The following TNR variants were observed in gnomAD, a reference collection of about 807,000 sequenced individuals.
TNR encodes the protein tenascin R, also known as tenascin-R.
In TNR, 45 loss-of-function variants were observed where a neutral mutation model predicts 150.4. The ratio of observed to expected loss-of-function variants is 0.30; its 90% CI spans 0.24 to 0.38. TNR has a LOEUF of 0.38. Among genes scored for constraint, TNR ranks in the 10% least tolerant of loss-of-function variants. The pLI, the probability that TNR is intolerant of heterozygous loss-of-function variation, is 1.00. For missense variants in TNR, 1,544 were observed against 1,759.1 expected, an observed-to-expected ratio of 0.88 and a Z score of 2.19; for synonymous variants, 687 against 678.4, an observed-to-expected ratio of 1.01 and a Z score of -0.20.
chr1:175,365,365 G>C, intron 11 of TNR, 86 bp from the exon 12 acceptor site: 1 of 1,431,582 alleles, frequency 7.0e-7, no homozygotes, highest in South Asian at 1.4e-5. Context: ...AAAGGGACCT[G>C]CTCTCCTTGC....
rs78955515 is a variant in TNR at position 175,463,007 on chromosome 1, T to G, written c.-63-56230A>C. Among the ~76,000 whole-genome samples, 254 of 152,292 alleles carry G rather than the reference T, an allele frequency of 1.7e-3. 1 individual carries two copies. Among genetic ancestry groups the G allele is most frequent in the African/African-American group, 6.0e-3 (251 of 41,556 alleles). On this transcript the variant is annotated intron_variant, in intron 2 of 22. Transcript: ENST00000367674. ...AAACTGTTTCTGTAGAATGTCGAATTGTGTTGTGCTTTTATTAGAGGAAGA... is the reference window on the plus strand; with the variant it reads ...AAACTGTTTCTGTAGAATGTCGAATGGTGTTGTGCTTTTATTAGAGGAAGA...
chr1:175,735,720 G>A (rs565172342), intron 1 of TNR, among the ~76,000 whole-genome samples: 1 of 152,190 alleles, frequency 6.6e-6, no homozygotes, highest in South Asian at 2.1e-4. Context: ...ATAAAGGAAG[G>A]GAAAATGTTT....
intron 2 of TNR, among the ~76,000 whole-genome samples, chr1:175,522,260 A>T (rs1446728154): frequency 6.6e-6 from 1 of 151,832 alleles, no homozygotes; most frequent in Non-Finnish European, 1.5e-5. Flanking sequence ...AAGAGTGAAA[A>T]CTCGGGTACC....
At chr1:175,600,331 T>G (rs1482778559) in intron 1 of TNR, among the ~76,000 whole-genome samples, 1 of 152,228 alleles carries the variant, frequency 6.6e-6, no homozygotes, top group Non-Finnish European at 1.5e-5. Context: ...ATTTATGCAG[T>G]GAGATATCCT....
intron 1 of TNR, among the ~76,000 whole-genome samples, chr1:175,659,269 G>A (rs888426548): frequency 3.9e-5 from 6 of 152,200 alleles, no homozygotes; most frequent in African/African-American, 1.4e-4. Context: ...CTGAGGACAG[G>A]GGAAGACTAG....
intron 15 of TNR, among the ~76,000 whole-genome samples, chr1:175,357,923 G>A (rs1169969830): frequency 6.6e-6 from 1 of 152,240 alleles, no homozygotes; most frequent in African/African-American, 2.4e-5. Context: ...ATGAATGGAA[G>A]TTCATTGCTC....
chr1:175,706,505 G>C (rs74129315), intron 1 of TNR, among the ~76,000 whole-genome samples: 9,695 of 152,104 alleles, frequency 0.064, 391 homozygotes, highest in East Asian at 0.17. Flanking sequence ...ATCTGGCCAC[G>C]TCCACCCACT....
intron 9 of TNR, among the ~76,000 whole-genome samples, chr1:175,376,860 T>TATATATATATATATATATATA (rs1553211469): frequency 1.2e-4 from 14 of 113,694 alleles, no homozygotes; most frequent in African/African-American, 3.1e-4. Flanking sequence ...AAATGTAATA[T>TATATATATATATATATATATA]TATATATATA....
chr1:175,529,207 A>G lies in TNR; in HGVS notation c.-164-838T>C, dbSNP rs540293701. On this transcript the variant is annotated intron_variant, in intron 1 of 22. Coordinates refer to ENST00000367674, the MANE Select transcript of TNR (RefSeq NM_003285.3). ...CACAAACCCTGCTAAGCCTTCTCCAAATGGGACACTGAGCCCCAGGGATAT... is the reference window on the plus strand; with the variant it reads ...CACAAACCCTGCTAAGCCTTCTCCAGATGGGACACTGAGCCCCAGGGATAT... 2.0e-5 allele frequency among the ~76,000 whole-genome samples: 3 copies of G among 152,296 alleles called. No individual in the cohort carries two copies. The East Asian group carries it at 5.8e-4, about 29-fold the overall frequency.
At chr1:175,614,631 A>G (rs1663709472) in intron 1 of TNR, among the ~76,000 whole-genome samples, 1 of 152,204 alleles carries the variant, frequency 6.6e-6, no homozygotes, top group Non-Finnish European at 1.5e-5. Context: ...TGTAGCATAC[A>G]CTATGGATAT....
chr1:175,667,425 T>C (rs974326116), intron 1 of TNR, among the ~76,000 whole-genome samples: 1 of 152,252 alleles, frequency 6.6e-6, no homozygotes, highest in Non-Finnish European at 1.5e-5. Context: ...CCCATCCAGC[T>C]TGTATGTGAA....
At position 175,321,772 on chromosome 1, in the gene TNR, A is replaced by C. The variant is rs549937898; in HGVS notation, c.*1585T>G. 6.6e-6 allele frequency: 1 copy of C among 152,104 alleles called. No individual in the cohort carries two copies. The highest frequency in any genetic ancestry group is 1.5e-5 in the Non-Finnish European group (1 of 68,030). 9.4% of individuals were successfully genotyped at this position (152,104 alleles called of 1,614,324 possible). On this transcript the variant is annotated 3_prime_UTR_variant, in exon 23 of 23. Transcript: ENST00000367674. ...TTTCTGGATGTAATTTCCTTTGGCT[A>C]TTGTCATTTTTCCTTTGCAAGGCAG... is the stretch of plus-strand genomic sequence containing the variant.
intron 1 of TNR, among the ~76,000 whole-genome samples, chr1:175,535,974 T>C (rs982626445): frequency 2.6e-5 from 4 of 152,166 alleles, no homozygotes; most frequent in Non-Finnish European, 5.9e-5. Flanking sequence ...ATCACAGATA[T>C]TTTTATATCT....
At chr1:175,366,484 A>G (rs1172937306) in intron 10 of TNR, among the ~76,000 whole-genome samples, 1 of 152,186 alleles carries the variant, frequency 6.6e-6, no homozygotes, top group African/African-American at 2.4e-5. Flanking sequence ...AGCTACCACC[A>G]AGTAGGGATA....
rs1245369487 is a variant in TNR, at chr1:175,393,914, G to A, written c.1241-19C>T. ...GAGAGATCTGGAACACAGCAATGTA[G>A]GTGACAATGTCATGGCTAACCCTTG... On this transcript the variant is annotated intron_variant, in intron 5 of 22. Coordinates refer to ENST00000367674, the MANE Select transcript of TNR (RefSeq NM_003285.3). 6.3e-7 allele frequency: 1 copy of A among 1,575,910 alleles called. No individual in the cohort carries two copies. The highest frequency in any genetic ancestry group is 8.7e-7 in the Non-Finnish European group (1 of 1,145,292).
chr1:175,562,503 A>C (rs1319770525), intron 1 of TNR, among the ~76,000 whole-genome samples: 1 of 152,266 alleles, frequency 6.6e-6, no homozygotes, highest in East Asian at 1.9e-4. Flanking sequence ...AAAATGTTGA[A>C]CTAGGGAGCT....
intron 1 of TNR, among the ~76,000 whole-genome samples, chr1:175,606,522 T>C (rs1341833729): frequency 2.6e-5 from 4 of 152,212 alleles, no homozygotes; most frequent in Non-Finnish European, 5.9e-5. Flanking sequence ...TGGAAAGTAC[T>C]TTAACCTCTC....
At chr1:175,648,326 G>A (rs1330562189) in intron 1 of TNR, among the ~76,000 whole-genome samples, 1 of 152,120 alleles carries the variant, frequency 6.6e-6, no homozygotes, top group Non-Finnish European at 1.5e-5. Context: ...AAAACGAGCT[G>A]CTTTGCTGGA....
intron 1 of TNR, among the ~76,000 whole-genome samples, chr1:175,629,284 ACCAGATT>A (rs1178644445): frequency 1.3e-5 from 2 of 152,168 alleles, no homozygotes; most frequent in African/African-American, 4.8e-5. Context: ...CTCAGGGGAA[ACCAGATT>A]GTTTTAAACT....
Sources: gnomAD v4.1 joint callset for allele counts (sites outside exome capture counted in the v4.1 genomes callset) on GRCh38, gnomAD v4.1.1 for gene constraint, MANE v1.5 for transcripts, NCBI Gene and HGNC (gene_info 2026-07-23, HGNC 2026-07-21) for gene names.